The following STXBP4 variants were observed in gnomAD, a reference collection of about 807,000 sequenced individuals.
The protein encoded by STXBP4 is syntaxin-binding protein 4.
A neutral mutation model predicts 76.1 loss-of-function variants in STXBP4; 55 were observed. That is an observed-to-expected ratio of 0.72 (90% CI 0.58 to 0.91). The LOEUF is 0.91. Ranked by LOEUF, STXBP4 falls within the 40% of genes least tolerant of loss-of-function variation. STXBP4 has a pLI of 0.00. For missense variants in STXBP4, 618 were observed against 636.9 expected, an observed-to-expected ratio of 0.97 and a Z score of 0.32; for synonymous variants, 201 against 220.2, an observed-to-expected ratio of 0.91 and a Z score of 0.77.
At chr17:55,203,414 A>C in the STXBP4 span, among the ~76,000 whole-genome samples, 1 of 152,120 alleles carries the variant, frequency 6.6e-6, no homozygotes, top group African/African-American at 2.4e-5. Context: ...ATGTCATTTT[A>C]AAAAAACGAC....
chr17:54,969,983 A>G (rs953284018), intron 1 of STXBP4, among the ~76,000 whole-genome samples: 2 of 152,252 alleles, frequency 1.3e-5, no homozygotes, highest in African/African-American at 4.8e-5. Flanking sequence ...GTAGTAAAGT[A>G]AGGACGTTTT....
At chr17:55,178,576 T>C (rs2080439167), downstream of STXBP4, among the ~76,000 whole-genome samples, 1 of 152,184 alleles carries the variant, frequency 6.6e-6, no homozygotes, top group African/African-American at 2.4e-5. Flanking sequence ...AGAGAACCAA[T>C]AGGAGATATA....
intron 17 of STXBP4, among the ~76,000 whole-genome samples, chr17:55,159,084 A>G (rs1023845965): frequency 2.6e-5 from 4 of 152,078 alleles, no homozygotes; most frequent in Non-Finnish European, 5.9e-5. Flanking sequence ...ATCTCTACTA[A>G]TAATACAAAA....
chr17:55,185,854 G>C, the STXBP4 span, among the ~76,000 whole-genome samples: 1 of 152,302 alleles, frequency 6.6e-6, no homozygotes, highest in African/African-American at 2.4e-5. Flanking sequence ...GACGAAAAGG[G>C]TGAACTGAGC....
intron 17 of STXBP4, among the ~76,000 whole-genome samples, chr17:55,145,171 G>A (rs1250336297): frequency 3.9e-5 from 6 of 152,096 alleles, no homozygotes; most frequent in Non-Finnish European, 7.4e-5. Flanking sequence ...TTTCGTTTTG[G>A]TTTGTCATTT....
In STXBP4 at chr17:55,072,978, C is replaced by T; in HGVS notation, c.1090C>T (p.His364Tyr). ...TGCTGAAGCTGCTCAGAGACAGGCA[C>T]ATGGAATGGAAATGGACTATGAAGA... The part of the protein sequence containing the change: ...HLAEAAQRQA[H>Y]GMEMDYEEVI... Residue 364 changes from histidine to tyrosine, a missense_variant, in exon 13 of 18, where the codon CAT (histidine) becomes TAT (tyrosine). Physicochemically the swap from His to Tyr is moderately conservative, Grantham distance 83. Coordinates refer to ENST00000376352, the MANE Select transcript of STXBP4 (RefSeq NM_178509.6). The T allele has an allele frequency of 6.2e-7, 1 of 1,613,924 alleles. No homozygotes were observed. The highest frequency in any genetic ancestry group is 1.3e-5 in the African/African-American group (1 of 75,006).
rs182820539 is a variant in STXBP4 at position 55,026,884 on chromosome 17, C to T, written c.667-4284C>T. 8.7e-4 allele frequency among the ~76,000 whole-genome samples: 132 copies of T among 152,268 alleles called. 1 individual carries two copies. The highest frequency in any genetic ancestry group is 3.1e-3 in the African/African-American group (130 of 41,560). On this transcript the variant is annotated intron_variant, in intron 8 of 17. Coordinates refer to ENST00000376352, the MANE Select transcript of STXBP4 (RefSeq NM_178509.6). ...TATGCTGCGGCCTCAGGCAGAGGAGCTTGGGCACCCTGGCTTTGCAAGTAG... is the reference window on the plus strand; with the variant it reads ...TATGCTGCGGCCTCAGGCAGAGGAGTTTGGGCACCCTGGCTTTGCAAGTAG...
At chr17:54,991,601 A>T (rs1300177803) in intron 4 of STXBP4, 1 of 151,828 alleles carries the variant, frequency 6.6e-6, no homozygotes, top group Non-Finnish European at 1.5e-5. Flanking sequence ...TTCTTCTTGG[A>T]TTTCATTTGC....
intron 17 of STXBP4, among the ~76,000 whole-genome samples, chr17:55,154,339 C>G (rs1309666317): frequency 6.6e-6 from 1 of 152,196 alleles, no homozygotes; most frequent in Non-Finnish European, 1.5e-5. Flanking sequence ...AATGTAGTCT[C>G]TGCCTAGGCA....
At chr17:55,033,966 A>G (rs1263110821) in intron 9 of STXBP4, among the ~76,000 whole-genome samples, 1 of 152,200 alleles carries the variant, frequency 6.6e-6, no homozygotes, top group Non-Finnish European at 1.5e-5. Context: ...TGAATTATTA[A>G]TTTTAGCAAA....
chr17:55,194,913 A>G, the STXBP4 span, among the ~76,000 whole-genome samples: 482 of 152,348 alleles, frequency 3.2e-3, 4 homozygotes, highest in African/African-American at 0.011. Flanking sequence ...ATGAGCTGAC[A>G]CAGCCCAAGT....
chr17:55,211,631 A>T, the STXBP4 span, among the ~76,000 whole-genome samples: 13 of 151,922 alleles, frequency 8.6e-5, no homozygotes, highest in African/African-American at 3.1e-4. Context: ...CCGATGCTTC[A>T]CATTTGTTTT....
intron 8 of STXBP4, among the ~76,000 whole-genome samples, chr17:55,011,005 T>C (rs1391532295): frequency 2.0e-5 from 3 of 152,182 alleles, no homozygotes; most frequent in Non-Finnish European, 4.4e-5. Flanking sequence ...ATATGAGACC[T>C]ACTTTTTGAT....
At chr17:55,056,004 A>G (rs1035182136) in intron 12 of STXBP4, among the ~76,000 whole-genome samples, 1 of 152,198 alleles carries the variant, frequency 6.6e-6, no homozygotes, top group Admixed American at 6.5e-5. Context: ...AAAGGGATAA[A>G]TGGAGGATAT....
intron 12 of STXBP4, among the ~76,000 whole-genome samples, chr17:55,050,540 A>T (rs1429937538): frequency 6.6e-6 from 1 of 152,184 alleles, no homozygotes; most frequent in Non-Finnish European, 1.5e-5. Flanking sequence ...TAAACATTTA[A>T]TAATAAGCAA....
chr17:55,122,128 A>T (rs1240482722), intron 16 of STXBP4, among the ~76,000 whole-genome samples: 1 of 152,194 alleles, frequency 6.6e-6, no homozygotes, highest in East Asian at 1.9e-4. Flanking sequence ...ATTGCTTTTT[A>T]AAAAATGTTG....
At chr17:55,114,893 G>A (rs1598325807) in intron 16 of STXBP4, among the ~76,000 whole-genome samples, 1 of 151,750 alleles carries the variant, frequency 6.6e-6, no homozygotes, top group African/African-American at 2.4e-5. Context: ...AGATGTTTTG[G>A]TACTCTTGCA....
intron 16 of STXBP4, among the ~76,000 whole-genome samples, chr17:55,116,088 A>T (rs1293290544): frequency 6.6e-6 from 1 of 151,800 alleles, no homozygotes; most frequent in Non-Finnish European, 1.5e-5. Flanking sequence ...GAAATATCTG[A>T]GCTACTTATG....
intron 16 of STXBP4, among the ~76,000 whole-genome samples, chr17:55,097,445 C>G (rs955369291): frequency 1.3e-5 from 2 of 152,046 alleles, no homozygotes; most frequent in Non-Finnish European, 2.9e-5. Context: ...GGGCGGATCA[C>G]GAGGTCAGGA....
Sources: allele counts gnomAD v4.1 joint callset (sites outside exome capture counted in the v4.1 genomes callset), GRCh38; gene constraint gnomAD v4.1.1; transcripts MANE v1.5; gene names NCBI Gene and HGNC (gene_info 2026-07-23, HGNC 2026-07-21).